The following CCDC81 variants were observed in gnomAD, a reference collection of about 807,000 sequenced individuals.
The protein encoded by CCDC81 is coiled-coil domain-containing protein 81.
CCDC81 carries 79 observed loss-of-function variants against 83.7 expected under a neutral mutation model. The observed-to-expected ratio is 0.94, with a 90% confidence interval of 0.79 to 1.14. The LOEUF is 1.14. CCDC81 is among the 50% of genes most tolerant of loss of function. The pLI is 0.00. For missense variants in CCDC81, 791 were observed against 778.1 expected (o/e 1.02, Z -0.20); for synonymous variants, 252 against 278.1 (o/e 0.91, Z 0.93).
chr11:86,415,355 T>C, intron 13 of CCDC81, 42 bp downstream of exon 13: 1 of 1,488,666 alleles, frequency 6.7e-7, no homozygotes, highest in African/African-American at 1.4e-5. Context: ...TTCTCCTCAC[T>C]TATTCCGCTT....
In CCDC81 at chr11:86,397,644, A is replaced by G. The variant is rs200295010; in HGVS notation, c.659A>G (p.Asn220Ser). 6.2e-6 allele frequency: 10 copies of G among 1,613,082 alleles called. No homozygotes were observed. The highest frequency in any genetic ancestry group is 1.3e-5 in the African/African-American group (1 of 74,962). ...FPRIELKEME[N>S]KLPMETLVEE... The stretch of plus-strand genomic sequence containing the variant: ...AGGATTGAGCTCAAGGAGATGGAAA[A>G]CAAACTGCCTATGGAGACCCTTGTA... Residue 220 changes from asparagine to serine, a missense_variant, in exon 6 of 15, where the codon AAC becomes AGC. Asn to Ser is a conservative substitution (Grantham distance 46). Coordinates refer to ENST00000445632, the MANE Select transcript of CCDC81 (RefSeq NM_001156474.2).
chr11:86,379,541 C>T (rs1365219513), intron 1 of CCDC81, among the ~76,000 whole-genome samples: 1 of 152,172 alleles, frequency 6.6e-6, no homozygotes, highest in Non-Finnish European at 1.5e-5. Flanking sequence ...ATTCCTTCCT[C>T]CCATCCCTTG....
intron 13 of CCDC81, among the ~76,000 whole-genome samples, chr11:86,416,387 G>A (rs1026991254): frequency 6.6e-5 from 10 of 152,174 alleles, no homozygotes; most frequent in African/African-American, 2.4e-4. Flanking sequence ...GCTTTCCATA[G>A]CCAGATATGG....
At chr11:86,385,767 A>G (rs1308646551) in intron 1 of CCDC81, among the ~76,000 whole-genome samples, 1 of 152,216 alleles carries the variant, frequency 6.6e-6, no homozygotes, top group African/African-American at 2.4e-5. Context: ...CAGAATAAAG[A>G]AAAGGGTGTG....
rs1948696958 is a variant in CCDC81, at chr11:86,415,034, T to G, written c.1471-59T>G. On this transcript the variant is annotated intron_variant, in intron 12 of 14. Transcript: ENST00000445632. Reference sequence around the variant, plus strand: ...GGTATTTTACCACATTACAGGGTTGTGCATAAAGCTTATTCCCTGGTAGAA... The same window carrying G: ...GGTATTTTACCACATTACAGGGTTGGGCATAAAGCTTATTCCCTGGTAGAA... 7 of 1,568,764 alleles carry G rather than the reference T, an allele frequency of 4.5e-6. No individual in the cohort carries two copies. In the South Asian group the frequency reaches 7.9e-5, roughly 18 times the overall value.
At chr11:86,416,885 ATAC>A (rs1161128321) in intron 13 of CCDC81, among the ~76,000 whole-genome samples, 29 of 152,266 alleles carry the variant, frequency 1.9e-4, no homozygotes, top group African/African-American at 5.8e-4. Context: ...TAAGCTATTT[ATAC>A]TTGTTTTTTT....
At chr11:86,419,804 T>C (rs1948764963) in intron 13 of CCDC81, 124 bp from the exon 14 acceptor site, 1 of 918,462 alleles carries the variant, frequency 1.1e-6, no homozygotes, top group Non-Finnish European at 1.6e-6. Flanking sequence ...TGCTTTTTAG[T>C]ATATTTCAGA....
At position 86,409,265 on chromosome 11, in the gene CCDC81, A is replaced by G. The variant is rs577283832; in HGVS notation, c.1118A>G (p.Lys373Arg). The G allele has an allele frequency of 1.4e-6, 2 of 1,415,234 alleles. No homozygotes were observed. The highest frequency in any genetic ancestry group is 3.3e-5 in the South Asian group (2 of 60,876). The allele number at this position is 1,415,234 out of a possible 1,614,324, so 87.7% of individuals were successfully genotyped here. Residue 373 changes from lysine (K) to arginine (R), a missense_variant, in exon 10 of 15, where the codon AAA (lysine) becomes AGA (arginine). Physicochemically the swap from Lys to Arg is conservative, Grantham distance 26. Transcript: ENST00000445632. ...TTTTTTTTTTTTAAACAATAGATGA[A>G]AAGTCTGGCTACTAGAGAACAGAAT... ...DQEALFRHQM[K>R]SLATREQNQK...
At position 86,396,266 on chromosome 11, in the gene CCDC81, A is replaced by T. The variant is rs370297350; in HGVS notation, c.635+853A>T. The stretch of plus-strand genomic sequence containing the variant: ...TTATAATTCTCCATTTTATCATGAT[A>T]CAAAATTAATTTTAATTTTTTTCTT... On this transcript the variant is annotated intron_variant, in intron 5 of 14. Transcript: ENST00000445632. Among the ~76,000 whole-genome samples the T allele has an allele frequency of 3.3e-5, 5 of 152,368 alleles. No individual in the cohort carries two copies. The East Asian group carries it at 7.7e-4, about 23-fold the overall frequency.
At chr11:86,418,738 T>TAGAGGGGCAGAAA (rs1948752484) in intron 13 of CCDC81, among the ~76,000 whole-genome samples, 1 of 152,164 alleles carries the variant, frequency 6.6e-6, no homozygotes, top group African/African-American at 2.4e-5. Context: ...TGGGGAGTTG[T>TAGAGGGGCAGAAA]TTAATGGGTG....
intron 1 of CCDC81, among the ~76,000 whole-genome samples, chr11:86,377,146 T>C (rs190039913): frequency 6.6e-6 from 1 of 151,968 alleles, no homozygotes; most frequent in Non-Finnish European, 1.5e-5. Flanking sequence ...TTCTGAATAA[T>C]ATTCCATTAT....
intron 13 of CCDC81, among the ~76,000 whole-genome samples, chr11:86,415,942 G>C (rs552003374): frequency 1.3e-5 from 2 of 152,264 alleles, no homozygotes; most frequent in East Asian, 3.9e-4. Context: ...CCAAAGTGTT[G>C]GGATTACAGG....
Position 86,407,650 on chromosome 11 carries a change from G to T in CCDC81, c.918G>T (p.Glu306Asp). The T allele has an allele frequency of 1.2e-6, 2 of 1,613,684 alleles. No homozygotes were observed. The highest frequency in any genetic ancestry group is 1.7e-6 in the Non-Finnish European group (2 of 1,179,762). The change falls in exon 8 of 15, where the codon GAG (glutamate) becomes GAT (aspartate). Residue 306 changes from glutamate to aspartate, a missense_variant. Coordinates refer to ENST00000445632, the MANE Select transcript of CCDC81 (RefSeq NM_001156474.2). ...SYPSCLKHDSEMKPQTSPACQ... is the reference protein window; with the variant it reads ...SYPSCLKHDSDMKPQTSPACQ... The stretch of plus-strand genomic sequence containing the variant: ...CAAGTTGTCTGAAACACGACAGTGA[G>T]ATGAAGCCCCAAACATCTCCAGCTT...
intron 7 of CCDC81, among the ~76,000 whole-genome samples, chr11:86,402,357 A>T (rs1948504454): frequency 6.6e-6 from 1 of 152,162 alleles, no homozygotes; most frequent in African/African-American, 2.4e-5. Flanking sequence ...CTTGGAATAT[A>T]CACAGTTTTT....
intron 6 of CCDC81, among the ~76,000 whole-genome samples, chr11:86,400,110 G>A (rs1411721044): frequency 7.2e-6 from 1 of 138,816 alleles, no homozygotes. Flanking sequence ...CAGCCTGGGC[G>A]ACAGAGTCAG....
chr11:86,390,082 C>A (rs11234629), intron 3 of CCDC81, among the ~76,000 whole-genome samples: 2 of 151,696 alleles, frequency 1.3e-5, no homozygotes, highest in African/African-American at 4.8e-5. Flanking sequence ...TCCAGCCTGG[C>A]GACAGAGTGA....
At chr11:86,416,530 T>G (rs1276852030) in intron 13 of CCDC81, among the ~76,000 whole-genome samples, 2 of 152,222 alleles carry the variant, frequency 1.3e-5, no homozygotes, top group African/African-American at 4.8e-5. Context: ...CCAGATCACA[T>G]GTAAGGTCTC....
Position 86,415,256 on chromosome 11 carries a change from T to C in CCDC81, c.1634T>C (p.Leu545Pro). The change falls in exon 13 of 15, where the codon CTG (leucine) becomes CCG (proline). Residue 545 changes from leucine (L) to proline (P), a missense_variant. By Grantham distance (98) the Leu-to-Pro change is moderately conservative (BLOSUM62 -3). Transcript: ENST00000445632. ...GCTAACCACAAGAGGAAAGCCATCC[T>C]GCATCAACTAGTGGACCAGAGGCGG... is the stretch of plus-strand genomic sequence containing the variant. ...AAANHKRKAI[L>P]HQLVDQRRDL... 6.2e-7 allele frequency: 1 copy of C among 1,614,214 alleles called. No homozygotes were observed. Among genetic ancestry groups the C allele is most frequent in the Non-Finnish European group, 8.5e-7 (1 of 1,180,032 alleles).
chr11:86,418,073 A>G (rs1436916595), intron 13 of CCDC81, among the ~76,000 whole-genome samples: 1 of 152,188 alleles, frequency 6.6e-6, no homozygotes, highest in Non-Finnish European at 1.5e-5. Context: ...ATTTTAACCT[A>G]TCCTTAAAAA....
Sources: allele counts gnomAD v4.1 joint callset (sites outside exome capture counted in the v4.1 genomes callset), GRCh38; gene constraint gnomAD v4.1.1; transcripts MANE v1.5; gene names NCBI Gene and HGNC (gene_info 2026-07-23, HGNC 2026-07-21).